The following BAZ1A variants were observed in gnomAD, a reference collection of about 807,000 sequenced individuals.
BAZ1A encodes the protein bromodomain adjacent to zinc finger domain protein 1A.
Under a neutral mutation model 185.2 loss-of-function variants are expected in BAZ1A, and 50 were observed. The ratio of observed to expected loss-of-function variants is 0.27; its 90% CI spans 0.22 to 0.34. The LOEUF (loss-of-function observed/expected upper bound fraction) is 0.34, where lower values mean the gene tolerates loss of function less well. Among genes scored for constraint, BAZ1A ranks in the 10% least tolerant of loss-of-function variants. The pLI, the probability that BAZ1A is intolerant of heterozygous loss-of-function variation, is 1.00. For missense variants in BAZ1A, 1,356 were observed against 1,839.9 expected, an observed-to-expected ratio of 0.74 and a Z score of 4.81; for synonymous variants, 571 against 615.6, an observed-to-expected ratio of 0.93 and a Z score of 1.07.
At chr14:34,842,874 G>A (rs2042438580) in intron 3 of BAZ1A, among the ~76,000 whole-genome samples, 1 of 151,856 alleles carries the variant, frequency 6.6e-6, no homozygotes, top group Non-Finnish European at 1.5e-5. Flanking sequence ...CTATCACATG[G>A]CTATCCTGGG....
chr14:34,820,805 G>A (rs2042078421), intron 4 of BAZ1A, among the ~76,000 whole-genome samples: 1 of 151,744 alleles, frequency 6.6e-6, no homozygotes, highest in South Asian at 2.1e-4. Flanking sequence ...TAGCACTACT[G>A]ATTGAAAAGA....
At chr14:34,813,956 C>T (rs1192189763) in intron 4 of BAZ1A, among the ~76,000 whole-genome samples, 1 of 150,984 alleles carries the variant, frequency 6.6e-6, no homozygotes, top group African/African-American at 2.4e-5. Context: ...GGCAGGAGAA[C>T]TGCTTGAACC....
chr14:34,757,093 G>A (rs760075647), intron 25 of BAZ1A, among the ~76,000 whole-genome samples: 3 of 151,890 alleles, frequency 2.0e-5, no homozygotes. Flanking sequence ...GGCTGGGCAC[G>A]GTGGCTCATG....
intron 21 of BAZ1A, among the ~76,000 whole-genome samples, chr14:34,766,087 G>C (rs560605043): frequency 1.3e-5 from 2 of 152,290 alleles, no homozygotes; most frequent in African/African-American, 4.8e-5. Context: ...GCTCTGAGGT[G>C]AGTACTGGCT....
chr14:34,772,675 A>G (rs553149200), intron 20 of BAZ1A, among the ~76,000 whole-genome samples: 2 of 152,314 alleles, frequency 1.3e-5, no homozygotes, highest in African/African-American at 4.8e-5. Context: ...CAGTGGCACA[A>G]TCATTATTAG....
At chr14:34,805,471 T>C (rs1344039396) in intron 6 of BAZ1A, among the ~76,000 whole-genome samples, 1 of 152,216 alleles carries the variant, frequency 6.6e-6, no homozygotes, top group Non-Finnish European at 1.5e-5. Flanking sequence ...CTTTGCAAAT[T>C]AGAGGAATTG....
chr14:34,817,304 T>G (rs1281502151), intron 4 of BAZ1A, among the ~76,000 whole-genome samples: 2 of 152,078 alleles, frequency 1.3e-5, no homozygotes, highest in Non-Finnish European at 2.9e-5. Context: ...CTCTGTAACT[T>G]AGGCTGGGCA....
intron 24 of BAZ1A, among the ~76,000 whole-genome samples, chr14:34,760,208 A>G (rs1440459025): frequency 6.6e-6 from 1 of 152,218 alleles, no homozygotes; most frequent in Non-Finnish European, 1.5e-5. Context: ...AATGAAAACA[A>G]AAAGTTTTTC....
Position 34,762,030 on chromosome 14 carries a change from T to C in BAZ1A, c.3970A>G (p.Thr1324Ala), listed in dbSNP as rs772695036. ...SLRKINSAPP[T>A]ETKSLRIASR... Reference sequence around the variant, plus strand: ...GCAATTCTTAAAGATTTTGTTTCTGTAGGAGGAGCAGAGTTTATCTTTCTT... The same window carrying C: ...GCAATTCTTAAAGATTTTGTTTCTGCAGGAGGAGCAGAGTTTATCTTTCTT... The change falls in exon 24 of 27, where the codon ACA becomes GCA. Residue 1324 changes from threonine (T) to alanine (A), a missense_variant. Transcript: ENST00000360310. 8.7e-6 allele frequency: 14 copies of C among 1,614,116 alleles called. No individual in the cohort carries two copies. The African/African-American group carries it at 1.3e-4, about 15-fold the overall frequency.
At chr14:34,825,180 G>A (rs1450428736) in intron 4 of BAZ1A, among the ~76,000 whole-genome samples, 1 of 152,000 alleles carries the variant, frequency 6.6e-6, no homozygotes, top group African/African-American at 2.4e-5. Context: ...GGGGCCAGAT[G>A]TGGTGGCTCA....
chr14:34,806,410 G>A lies in BAZ1A; in HGVS notation c.726+1041C>T, dbSNP rs558428422. On this transcript the variant is annotated intron_variant, in intron 6 of 26. Transcript: ENST00000360310. ...ACTTTATCACCCAGGTTTTAAGCAC[G>A]TGCCCATTAGTTATTTTTTCCCATC... is the stretch of plus-strand genomic sequence containing the variant. 4.6e-5 allele frequency among the ~76,000 whole-genome samples: 7 copies of A among 151,960 alleles called. No individual in the cohort carries two copies. The South Asian group carries it at 1.0e-3, about 23-fold the overall frequency.
chr14:34,869,750 T>C (rs1268860676), intron 2 of BAZ1A, among the ~76,000 whole-genome samples: 3 of 152,238 alleles, frequency 2.0e-5, no homozygotes, highest in South Asian at 2.1e-4. Flanking sequence ...ATGACATTCA[T>C]GCTCTTCTCA....
chr14:34,762,475 CTTTTCT>C (rs991116167), intron 23 of BAZ1A, among the ~76,000 whole-genome samples: 2 of 148,458 alleles, frequency 1.3e-5, no homozygotes, highest in Admixed American at 1.4e-4. Flanking sequence ...GTTTTCTTTT[CTTTTCT>C]TTATTTTTTT....
intron 17 of BAZ1A, among the ~76,000 whole-genome samples, chr14:34,779,028 G>C (rs957264844): frequency 6.6e-6 from 1 of 152,010 alleles, no homozygotes; most frequent in African/African-American, 2.4e-5. Flanking sequence ...CTTGCTTTCT[G>C]GGTACTTTTT....
At chr14:34,760,216 T>G (rs1886462603) in intron 24 of BAZ1A, among the ~76,000 whole-genome samples, 1 of 152,208 alleles carries the variant, frequency 6.6e-6, no homozygotes, top group African/African-American at 2.4e-5. Flanking sequence ...CAAAAAGTTT[T>G]TCTTCCTAGT....
chr14:34,824,177 T>C (rs1188658018), intron 4 of BAZ1A, among the ~76,000 whole-genome samples: 3 of 142,824 alleles, frequency 2.1e-5, no homozygotes, highest in South Asian at 2.2e-4. Flanking sequence ...CTGGGCTATA[T>C]AGCAAGACTG....
intron 25 of BAZ1A, among the ~76,000 whole-genome samples, chr14:34,756,998 A>G (rs545083711): frequency 3.3e-5 from 5 of 152,358 alleles, no homozygotes; most frequent in East Asian, 1.9e-4. Flanking sequence ...ATGGTACTCA[A>G]TTAACTCTAT....
intron 3 of BAZ1A, among the ~76,000 whole-genome samples, chr14:34,841,579 A>G (rs1205484135): frequency 6.6e-6 from 1 of 152,082 alleles, no homozygotes; most frequent in Non-Finnish European, 1.5e-5. Flanking sequence ...TAGTAGAGAC[A>G]GGGTCTCACC....
chr14:34,851,005 C>T (rs2042587770), intron 3 of BAZ1A, among the ~76,000 whole-genome samples: 1 of 152,002 alleles, frequency 6.6e-6, no homozygotes, highest in African/African-American at 2.4e-5. Flanking sequence ...CATCAACATG[C>T]CAATTCTTAT....
Sources: allele counts gnomAD v4.1 joint callset (sites outside exome capture counted in the v4.1 genomes callset), GRCh38; gene constraint gnomAD v4.1.1; transcripts MANE v1.5; gene names NCBI Gene and HGNC (gene_info 2026-07-23, HGNC 2026-07-21).